The following HERC2 variants were observed in gnomAD, a reference collection of about 807,000 sequenced individuals.
HERC2 encodes E3 ubiquitin-protein ligase HERC2.
HERC2 carries 102 observed loss-of-function variants against 537.7 expected under a neutral mutation model. The ratio of observed to expected loss-of-function variants is 0.19; its 90% CI spans 0.16 to 0.22. The LOEUF (loss-of-function observed/expected upper bound fraction) is 0.22. Among genes scored for constraint, HERC2 ranks in the 10% least tolerant of loss-of-function variants. The pLI is 1.00. For missense variants in HERC2, 4,236 were observed against 6,198.2 expected, an observed-to-expected ratio of 0.68 and a Z score of 10.63; for synonymous variants, 2,224 against 2,466.2, an observed-to-expected ratio of 0.90 and a Z score of 2.91.
At chr15:28,243,988 C>A (rs570900930) in intron 23 of HERC2, among the ~76,000 whole-genome samples, 2 of 152,140 alleles carry the variant, frequency 1.3e-5, no homozygotes, top group South Asian at 4.1e-4. Context: ...CCAGCCTGGG[C>A]AACAGAGGGA....
intron 78 of HERC2, among the ~76,000 whole-genome samples, chr15:28,139,130 T>TAAA (rs1566933828): frequency 6.6e-6 from 1 of 152,236 alleles, no homozygotes. Flanking sequence ...ACACTTGCTT[T>TAAA]ATTGTGTTGA....
intron 48 of HERC2, among the ~76,000 whole-genome samples, chr15:28,200,263 T>C (rs769050969): frequency 3.3e-5 from 5 of 152,080 alleles, no homozygotes; most frequent in Non-Finnish European, 5.9e-5. Flanking sequence ...AGGCATGTGG[T>C]GCATGTCTGT....
At chr15:28,117,353 C>T (rs1205611885) in intron 86 of HERC2, 199 bp from the exon 87 acceptor site, 8 of 706,954 alleles carry the variant, frequency 1.1e-5, no homozygotes, top group South Asian at 9.0e-5. Flanking sequence ...ACCGCTGCCT[C>T]ACCCCATTGG....
rs1180368294 is a variant in HERC2 at position 28,111,951 on chromosome 15, A to G, written c.14317T>C (p.Cys4773Arg). Residue 4773 changes from cysteine to arginine, a missense_variant, in exon 93 of 93, where the codon TGC (cysteine) becomes CGC (arginine). Physicochemically the swap from Cys to Arg is radical, Grantham distance 180 (BLOSUM62 -3). This residue lies in a region of HERC2 where 313 missense variants were observed against 462.6 expected (regional missense o/e 0.68). Coordinates refer to ENST00000261609, the MANE Select transcript of HERC2 (RefSeq NM_004667.6). ...FFLLKLPRYS[C>R]KQVLEEKLKY... ...AGCTTCTCCTCCAGCACCTGCTTGC[A>G]GGAATACCTGGGCAGCTTCAGCAAG... The G allele has an allele frequency of 6.2e-7, 1 of 1,614,060 alleles. No individual in the cohort carries two copies. The highest frequency in any genetic ancestry group is 1.3e-5 in the African/African-American group (1 of 74,930).
chr15:28,274,414 T>C lies in HERC2; in HGVS notation c.677A>G (p.Gln226Arg), dbSNP rs753949170. ...EDADLCSELL[Q>R]ESLDALRALP... ...TGCTCGCAGGGCGTCCAGGGACTCC[T>C]GCAACAGCTCACTGCAGAGGTCCGC... The change falls in exon 7 of 93, where the codon CAG becomes CGG. Residue 226 changes from glutamine to arginine, a missense_variant. This residue lies in a region of HERC2 where 491 missense variants were observed against 559.3 expected (regional missense o/e 0.88). Transcript: ENST00000261609. The C allele has an allele frequency of 1.9e-6, 3 of 1,613,288 alleles. No homozygotes were observed. Among genetic ancestry groups the C allele is most frequent in the Admixed American group, 1.7e-5 (1 of 59,948 alleles).
rs796543745 is a variant in HERC2 at position 28,141,492 on chromosome 15, G to C, written c.11955C>G (p.Leu3985=). ...CCCCTCCGATTAACTGCACGGGTCT[G>C]AGAGTTGCAAGGGCTTCACAGGGAG... is the stretch of plus-strand genomic sequence containing the variant. ...VPTPCEALAT[L]RPVQLIGGEQ... is the part of the protein sequence containing the mutation. The change falls in exon 78 of 93, where the codon CTC becomes CTG. Residue 3985 remains leucine (L), a synonymous_variant. Transcript: ENST00000261609. 6.2e-7 allele frequency: 1 copy of C among 1,614,132 alleles called. No individual in the cohort carries two copies. The highest frequency in any genetic ancestry group is 1.1e-5 in the South Asian group (1 of 91,086).
intron 55 of HERC2, among the ~76,000 whole-genome samples, chr15:28,189,284 G>A (rs890104519): frequency 6.6e-6 from 1 of 152,124 alleles, no homozygotes; most frequent in Admixed American, 6.5e-5. Flanking sequence ...ATCACAGGAT[G>A]AATGGTTTTG....
rs2075395708 is a variant in HERC2 at position 28,260,776 on chromosome 15, C to T, written c.2316+1G>A. ...ACCAAATCAAGCTCTATATTCAGTA[C>T]CTGGGCAGGCCCACAGGCAATTCCC... On this transcript the variant is annotated splice_donor_variant, in intron 16 of 92. Transcript: ENST00000261609. LOFTEE classifies it high-confidence loss of function. 1 of 1,613,358 alleles carries T rather than the reference C, an allele frequency of 6.2e-7. No individual in the cohort carries two copies. The highest frequency in any genetic ancestry group is 8.5e-7 in the Non-Finnish European group (1 of 1,179,466).
intron 43 of HERC2, among the ~76,000 whole-genome samples, chr15:28,212,061 C>A (rs969714745): frequency 6.6e-6 from 1 of 152,140 alleles, no homozygotes; most frequent in Non-Finnish European, 1.5e-5. Context: ...CAGGCGCTTC[C>A]GGGACAGAGG....
intron 79 of HERC2, among the ~76,000 whole-genome samples, chr15:28,134,685 G>A (rs1890435566): frequency 6.9e-6 from 1 of 145,332 alleles, no homozygotes; most frequent in Non-Finnish European, 1.5e-5. Flanking sequence ...GTTGGAGTTT[G>A]CCAAATTATT....
intron 7 of HERC2, 198 bp from the exon 8 acceptor site, chr15:28,273,202 T>C: frequency 1.6e-6 from 1 of 606,544 alleles, no homozygotes; most frequent in Non-Finnish European, 2.9e-6. Context: ...AACTATATTT[T>C]ATTTAAAGTG....
At chr15:28,309,718 T>G (rs2076888225) in intron 2 of HERC2, among the ~76,000 whole-genome samples, 1 of 151,860 alleles carries the variant, frequency 6.6e-6, no homozygotes, top group Non-Finnish European at 1.5e-5. Context: ...CTGTGACACC[T>G]GAAGTAGAGG....
Position 28,229,236 on chromosome 15 carries a change from C to T in HERC2, c.5231G>A (p.Arg1744Gln), listed in dbSNP as rs1477088421. Residue 1744 changes from arginine to glutamine, a missense_variant, in exon 34 of 93, where the codon CGA becomes CAA. This residue lies in a region of HERC2 where 343 missense variants were observed against 417.2 expected (regional missense o/e 0.82). Coordinates refer to ENST00000261609, the MANE Select transcript of HERC2 (RefSeq NM_004667.6). ...KLYAWAVQNI[R>Q]NVLMDASAKF... ...GGCACTGGCATCCATCAAAACATTT[C>T]GAATGTTCTGTACAGCCCAAGCGTA... 5.0e-6 allele frequency: 8 copies of T among 1,613,458 alleles called. No individual in the cohort carries two copies. The highest frequency in any genetic ancestry group is 1.7e-5 in the Admixed American group (1 of 59,996).
chr15:28,301,011 G>A (rs186515141), intron 2 of HERC2, among the ~76,000 whole-genome samples: 2 of 151,846 alleles, frequency 1.3e-5, no homozygotes, highest in Admixed American at 1.3e-4. Context: ...CCAGATTTTG[G>A]TCTCTCAGAA....
intron 4 of HERC2, among the ~76,000 whole-genome samples, chr15:28,283,621 G>A (rs2076080928): frequency 6.6e-6 from 1 of 152,168 alleles, no homozygotes; most frequent in East Asian, 1.9e-4. Context: ...GAGATGACAA[G>A]CACACCAACG....
chr15:28,300,045 T>G, intron 2 of HERC2, among the ~76,000 whole-genome samples: 1 of 115,956 alleles, frequency 8.6e-6, no homozygotes. Context: ...AGAGCGAGAC[T>G]CGGTGTTAAA....
At chr15:28,137,403 G>A (rs1484274810) in intron 78 of HERC2, among the ~76,000 whole-genome samples, 2 of 152,174 alleles carry the variant, frequency 1.3e-5, no homozygotes, top group Non-Finnish European at 2.9e-5. Flanking sequence ...ATAAACTGAA[G>A]GTCTGTGGCA....
chr15:28,242,186 T>C (rs991234235), intron 23 of HERC2, among the ~76,000 whole-genome samples: 3 of 152,332 alleles, frequency 2.0e-5, no homozygotes, highest in African/African-American at 7.2e-5. Context: ...AATAGATGCA[T>C]AGTTTCAGTT....
intron 40 of HERC2, 39 bp from the exon 41 acceptor site, chr15:28,214,311 T>C: frequency 1.3e-6 from 2 of 1,544,470 alleles, no homozygotes; most frequent in South Asian, 1.1e-5. Context: ...TGCACCGCTC[T>C]TCACCAGGGC....
Sources: allele counts gnomAD v4.1 joint callset (sites outside exome capture counted in the v4.1 genomes callset), GRCh38; gene constraint gnomAD v4.1.1; regional missense constraint gnomAD v4.1.1; transcripts MANE v1.5; gene names NCBI Gene and HGNC (gene_info 2026-07-23, HGNC 2026-07-21).